XKR6: variants seen among roughly 807,000 people sequenced by gnomAD.
XKR6 encodes XK-related protein 6.
A neutral mutation model predicts 56.7 loss-of-function variants in XKR6; 22 were observed. The observed-to-expected ratio is 0.39, with a 90% confidence interval of 0.28 to 0.55. The LOEUF (loss-of-function observed/expected upper bound fraction) is 0.55. Among genes scored for constraint, XKR6 ranks in the 20% least tolerant of loss-of-function variants. The pLI is 0.66. For synonymous variants in XKR6, 524 were observed against 387.8 expected (o/e 1.35, Z -4.13); for missense variants, 852 against 889.0 (o/e 0.96, Z 0.53).
chr8:11,158,166 A>C (rs893931066), intron 1 of XKR6, among the ~76,000 whole-genome samples: 2 of 152,220 alleles, frequency 1.3e-5, no homozygotes, highest in African/African-American at 4.8e-5. Flanking sequence ...GGGGAAAGGC[A>C]ATAATCAATC....
At chr8:11,163,309 G>A (rs1801913500) in intron 1 of XKR6, among the ~76,000 whole-genome samples, 1 of 152,160 alleles carries the variant, frequency 6.6e-6, no homozygotes, top group African/African-American at 2.4e-5. Context: ...CCAGAAGAAT[G>A]TATTATCAAG....
At chr8:10,964,020 AG>A (rs1192371865) in intron 1 of XKR6, among the ~76,000 whole-genome samples, 1 of 152,226 alleles carries the variant, frequency 6.6e-6, no homozygotes, top group East Asian at 1.9e-4. Context: ...GGGTGGTGGC[AG>A]GGACTGCACA....
At chr8:11,157,343 TG>T (rs1801571470) in intron 1 of XKR6, among the ~76,000 whole-genome samples, 2 of 152,226 alleles carry the variant, frequency 1.3e-5, no homozygotes, top group Admixed American at 1.3e-4. Flanking sequence ...ATACCAATGA[TG>T]GTTTCCTAGT....
At chr8:10,940,837 G>A (rs1338186941) in intron 1 of XKR6, among the ~76,000 whole-genome samples, 1 of 152,196 alleles carries the variant, frequency 6.6e-6, no homozygotes, top group Non-Finnish European at 1.5e-5. Flanking sequence ...TCCATATGTG[G>A]TAGGTGCTGT....
intron 1 of XKR6, among the ~76,000 whole-genome samples, chr8:11,091,144 A>G (rs1489089186): frequency 6.6e-6 from 1 of 152,168 alleles, no homozygotes; most frequent in East Asian, 1.9e-4. Context: ...AAAAAGCAAG[A>G]CAAAGGCCTG....
At chr8:11,007,048 T>A (rs1338279368) in intron 1 of XKR6, among the ~76,000 whole-genome samples, 1 of 152,170 alleles carries the variant, frequency 6.6e-6, no homozygotes, top group African/African-American at 2.4e-5. Context: ...TGGCTTCTGA[T>A]CAGGATTTAA....
chr8:11,179,726 A>G (rs774652010), intron 1 of XKR6, among the ~76,000 whole-genome samples: 5 of 152,226 alleles, frequency 3.3e-5, no homozygotes, highest in Non-Finnish European at 7.3e-5. Flanking sequence ...GTTCACCCAG[A>G]AAGATAATGC....
rs1272683524 is a variant in XKR6, at chr8:10,979,428, C to T, written c.765-54598G>A. Among the ~76,000 whole-genome samples, 3 of 151,996 alleles carry T rather than the reference C, an allele frequency of 2.0e-5. No individual in the cohort carries two copies. In the East Asian group the frequency reaches 5.8e-4, roughly 30 times the overall value. The stretch of plus-strand genomic sequence containing the variant: ...CGTTCCTGGTTCCTGGGGGACCTGC[C>T]GAGAACCCAGGCCACCTTCCAAGGG... On this transcript the variant is annotated intron_variant, in intron 1 of 2. Coordinates refer to ENST00000416569, the MANE Select transcript of XKR6 (RefSeq NM_173683.4).
At chr8:10,939,505 C>T (rs1801327015) in intron 1 of XKR6, among the ~76,000 whole-genome samples, 2 of 152,224 alleles carry the variant, frequency 1.3e-5, no homozygotes, top group Non-Finnish European at 2.9e-5. Flanking sequence ...GAGGGGTGAC[C>T]TCACTGCCTA....
intron 1 of XKR6, among the ~76,000 whole-genome samples, chr8:11,139,964 C>T (rs1177436737): frequency 1.3e-5 from 2 of 152,012 alleles, no homozygotes; most frequent in Non-Finnish European, 2.9e-5. Context: ...CGAAGGTAAG[C>T]CAGAATGATT....
intron 1 of XKR6, among the ~76,000 whole-genome samples, chr8:10,981,095 C>G (rs1292628319): frequency 6.6e-6 from 1 of 152,192 alleles, no homozygotes; most frequent in Non-Finnish European, 1.5e-5. Flanking sequence ...CTCCCAAAGC[C>G]TTTGTTGTCT....
chr8:10,984,732 C>CTATATATATATATATATATATATATA (rs58774414), intron 1 of XKR6, among the ~76,000 whole-genome samples: 21 of 47,470 alleles, frequency 4.4e-4, no homozygotes, highest in Non-Finnish European at 7.6e-4. Context: ...CTCTCTCTCT[C>CTATATATATATATATATATATATATA]TATATATATA....
In XKR6 at chr8:10,898,582, G is replaced by A. The variant is rs535476545; in HGVS notation, c.1296C>T (p.Asn432=). Residue 432 remains asparagine (N), a synonymous_variant, in exon 3 of 3, where the codon AAC becomes AAT. Transcript: ENST00000416569. The surrounding 1 kb of genome is among the most constrained non-coding windows in gnomAD (Gnocchi z 6.6). The stretch of plus-strand genomic sequence containing the variant: ...GATATCGAGTCCGCCCTTCCTTGAC[G>A]TTAAACCAGCAGAAAATGTACACGA... ...VGIVYIFCWF[N]VKEGRTRYRM... 42 of 1,613,974 alleles carry A rather than the reference G, an allele frequency of 2.6e-5. No individual in the cohort carries two copies. The highest frequency in any genetic ancestry group is 6.6e-5 in the South Asian group (6 of 91,064).
intron 1 of XKR6, chr8:11,108,115 C>T (rs1411530374): frequency 1.5e-5 from 5 of 339,026 alleles, no homozygotes; most frequent in East Asian, 8.8e-5. Context: ...ATTGGAAACA[C>T]GCAAAGGGAC....
At chr8:11,118,497 G>A (rs1426488495) in intron 1 of XKR6, among the ~76,000 whole-genome samples, 4 of 152,154 alleles carry the variant, frequency 2.6e-5, no homozygotes, top group East Asian at 1.9e-4. Flanking sequence ...CCTGTTATTG[G>A]TCTATTCAGA....
chr8:10,959,359 G>A (rs1801993249), intron 1 of XKR6, among the ~76,000 whole-genome samples: 1 of 152,168 alleles, frequency 6.6e-6, no homozygotes, highest in South Asian at 2.1e-4. Flanking sequence ...ATGGGTAGAT[G>A]TTATAGGGAG....
chr8:10,919,270 A>G (rs954780879), intron 2 of XKR6, among the ~76,000 whole-genome samples: 1 of 152,108 alleles, frequency 6.6e-6, no homozygotes, highest in Admixed American at 6.5e-5. Flanking sequence ...CCTGCTCATC[A>G]TTTGTACTCA....
intron 1 of XKR6, among the ~76,000 whole-genome samples, chr8:11,003,124 T>C (rs1798283493): frequency 6.6e-6 from 1 of 152,040 alleles, no homozygotes; most frequent in Non-Finnish European, 1.5e-5. Flanking sequence ...TCAGGAAGCA[T>C]CAACCCACCA....
chr8:11,071,958 G>C (rs1800142027), intron 1 of XKR6, among the ~76,000 whole-genome samples: 1 of 151,996 alleles, frequency 6.6e-6, no homozygotes, highest in Non-Finnish European at 1.5e-5. Context: ...AGAGCTCGAA[G>C]TCCAGAATAA....
Sources: gnomAD v4.1 joint callset for allele counts (sites outside exome capture counted in the v4.1 genomes callset) on GRCh38, gnomAD v4.1.1 for gene constraint, Gnocchi (gnomAD v3.1) non-coding constraint, MANE v1.5 for transcripts, NCBI Gene and HGNC (gene_info 2026-07-23, HGNC 2026-07-21) for gene names.